The following STEAP2 variants were observed in gnomAD, a reference collection of about 807,000 sequenced individuals.
STEAP2 encodes metalloreductase STEAP2.
A neutral mutation model predicts 46.4 loss-of-function variants in STEAP2; 30 were observed. The ratio of observed to expected loss-of-function variants is 0.65; its 90% CI spans 0.48 to 0.88. STEAP2 has a LOEUF of 0.88. Ranked by LOEUF, STEAP2 falls within the 40% of genes least tolerant of loss-of-function variation. The pLI is 0.00. For synonymous variants in STEAP2, 180 were observed against 200.5 expected (o/e 0.90, Z 0.86); for missense variants, 513 against 579.3 (o/e 0.89, Z 1.18).
Position 90,232,690 on chromosome 7 carries a change from G to A in STEAP2, c.*66G>A, listed in dbSNP as rs952830718. Reference sequence around the variant, plus strand: ...ATGCCATTATTTTTATGACTTCTACGTTCAGTTACAAGTATGCTGTCAAAT... The same window carrying A: ...ATGCCATTATTTTTATGACTTCTACATTCAGTTACAAGTATGCTGTCAAAT... On this transcript the variant is annotated 3_prime_UTR_variant, in exon 6 of 6. Coordinates refer to ENST00000394621, the MANE Select transcript of STEAP2 (RefSeq NM_001244944.2). The A allele has an allele frequency of 1.3e-5, 19 of 1,484,196 alleles. No homozygotes were observed. The highest frequency in any genetic ancestry group is 1.6e-5 in the Non-Finnish European group (18 of 1,116,572). The allele number at this position is 1,484,196 out of a possible 1,614,324, so 91.9% of individuals were successfully genotyped here.
intron 2 of STEAP2, among the ~76,000 whole-genome samples, chr7:90,223,224 A>G (rs1181041248): frequency 6.6e-6 from 1 of 152,194 alleles, no homozygotes; most frequent in East Asian, 1.9e-4. Context: ...ATTTTATTCA[A>G]CAGCAGCTCT....
Position 90,227,438 on chromosome 7 carries a change from C to T in STEAP2, c.960C>T (p.Ser320=). ...TCGCTATGGTCCATGTTGCCTACAG[C>T]CTCTGCTTACCGATGAGAAGGTCAG... The part of the protein sequence containing the change: ...FFFAMVHVAY[S]LCLPMRRSER... Residue 320 remains serine, a synonymous_variant, in exon 4 of 6, where the codon AGC becomes AGT. Transcript: ENST00000394621. 6.2e-7 allele frequency: 1 copy of T among 1,605,662 alleles called. No homozygotes were observed. Among genetic ancestry groups the T allele is most frequent in the Non-Finnish European group, 8.5e-7 (1 of 1,173,054 alleles).
In STEAP2 at chr7:90,231,622, A is replaced by G. The variant is rs375395365; in HGVS notation, c.1186-715A>G. Among the ~76,000 whole-genome samples, 78 of 152,156 alleles carry G rather than the reference A, an allele frequency of 5.1e-4. 1 individual carries two copies. Among genetic ancestry groups the G allele is most frequent in the Middle Eastern group, 3.4e-3 (1 of 292 alleles). On this transcript the variant is annotated intron_variant, in intron 5 of 5. Coordinates refer to ENST00000394621, the MANE Select transcript of STEAP2 (RefSeq NM_001244944.2). ...TGTATCTAAACATATCTAAACAGAGAAAAGGTACAGTAAAAATAAGGCATA... is the reference window on the plus strand; with the variant it reads ...TGTATCTAAACATATCTAAACAGAGGAAAGGTACAGTAAAAATAAGGCATA...
intron 5 of STEAP2, among the ~76,000 whole-genome samples, chr7:90,230,542 T>TTA (rs996293685): frequency 6.6e-6 from 1 of 151,936 alleles, no homozygotes; most frequent in African/African-American, 2.4e-5. Context: ...GAGTAATGGA[T>TTA]TATAACATGC....
At position 90,212,026 on chromosome 7, in the gene STEAP2, AGGGCGCGGG is replaced by A. The variant is rs937456453; in HGVS notation, c.-157_-149del. On this transcript the variant is annotated 5_prime_UTR_variant, in exon 1 of 6. Coordinates refer to ENST00000394621, the MANE Select transcript of STEAP2 (RefSeq NM_001244944.2). ...CAAGGCTCGCCCCTGCCCGGCGTGG[AGGGCGCGGG>A]GGGCGCGGAGGTGAGCGGGTCGGGG... 6.6e-6 allele frequency: 1 copy of A among 152,638 alleles called. No individual in the cohort carries two copies. The highest frequency in any genetic ancestry group is 6.5e-5 in the Admixed American group (1 of 15,272). 9.5% of individuals were successfully genotyped at this position (152,638 alleles called of 1,614,324 possible). A position where few individuals can be genotyped will look rare whatever the true frequency, so the allele number is the denominator to read the frequency against.
chr7:90,243,183 A>G, the STEAP2 span, among the ~76,000 whole-genome samples: 24 of 152,214 alleles, frequency 1.6e-4, no homozygotes, highest in African/African-American at 5.8e-4. Flanking sequence ...GGCCAGAAAT[A>G]TTCAACGTCT....
rs1181643007 is a variant in STEAP2, at chr7:90,234,739, G to A, written c.*2115G>A. 2 of 498,938 alleles carry A rather than the reference G, an allele frequency of 4.0e-6. No homozygotes were observed. Among genetic ancestry groups the A allele is most frequent in the Non-Finnish European group, 5.2e-6 (2 of 386,136 alleles). The allele number at this position is 498,938 out of a possible 1,614,324, so 30.9% of individuals were successfully genotyped here. A position where few individuals can be genotyped will look rare whatever the true frequency, so the allele number is the denominator to read the frequency against. On this transcript the variant is annotated 3_prime_UTR_variant, in exon 6 of 6. Coordinates refer to ENST00000394621, the MANE Select transcript of STEAP2 (RefSeq NM_001244944.2). The stretch of plus-strand genomic sequence containing the variant: ...CTGATTTCTTTTTGTATTTTTAGTA[G>A]AGACGGAGTTTCACCGTGTTAGCCA...
chr7:90,238,102 C>T (rs1796012996), downstream of STEAP2: 8 of 717,250 alleles, frequency 1.1e-5, no homozygotes, highest in South Asian at 1.0e-4. Flanking sequence ...TGGCCAGTGG[C>T]CTAGCGCTAC....
At chr7:90,226,039 T>A (rs567415044) in intron 3 of STEAP2, among the ~76,000 whole-genome samples, 2 of 152,330 alleles carry the variant, frequency 1.3e-5, no homozygotes, top group South Asian at 4.1e-4. Context: ...CCATTTACTT[T>A]CCAGTCTTTA....
At position 90,236,170 on chromosome 7, in the gene STEAP2, TA is replaced by T. The variant is rs1196948609; in HGVS notation, c.*3549del. ...CACTTGCCATTAAGCTATTTCATAATAAATTCTGTACAGTTTCCCCCCAAAA... is the reference window on the plus strand; with the variant it reads ...CACTTGCCATTAAGCTATTTCATAATAATTCTGTACAGTTTCCCCCCAAAA... On this transcript the variant is annotated 3_prime_UTR_variant, in exon 6 of 6. Transcript: ENST00000394621. The T allele has an allele frequency of 1.4e-6, 1 of 717,052 alleles. No individual in the cohort carries two copies. Among genetic ancestry groups the T allele is most frequent in the Non-Finnish European group, 1.7e-6 (1 of 586,732 alleles). 44.4% of individuals were successfully genotyped at this position (717,052 alleles called of 1,614,324 possible). A position where few individuals can be genotyped will look rare whatever the true frequency, so the allele number is the denominator to read the frequency against.
At chr7:90,228,126 G>A (rs2116318567) in intron 4 of STEAP2, among the ~76,000 whole-genome samples, 1 of 152,204 alleles carries the variant, frequency 6.6e-6, no homozygotes, top group South Asian at 2.1e-4. Flanking sequence ...TTCATGGAAG[G>A]GGTTTGATTA....
At chr7:90,223,055 G>A (rs2116248717) in intron 2 of STEAP2, among the ~76,000 whole-genome samples, 1 of 152,280 alleles carries the variant, frequency 6.6e-6, no homozygotes, top group East Asian at 1.9e-4. Flanking sequence ...TCAGATGCTA[G>A]TCTCTCAACT....
At chr7:90,229,759 A>G (rs1257429096) in intron 4 of STEAP2, 113 bp from the exon 5 acceptor site, 2 of 1,462,506 alleles carry the variant, frequency 1.4e-6, no homozygotes, top group Non-Finnish European at 1.8e-6. Context: ...AAATTAGTAC[A>G]ACTTAAATAC....
chr7:90,226,947 T>C, intron 3 of STEAP2, 24 bp from the exon 4 acceptor site: 1 of 1,541,988 alleles, frequency 6.5e-7, no homozygotes, highest in South Asian at 1.3e-5. Flanking sequence ...ATGGTAATGC[T>C]GAGTCTTTTT....
At chr7:90,218,259 C>T (rs1160392678) in intron 2 of STEAP2, among the ~76,000 whole-genome samples, 1 of 151,958 alleles carries the variant, frequency 6.6e-6, no homozygotes, top group East Asian at 1.9e-4. Flanking sequence ...GCACGGAAGT[C>T]TTTTAGTTTA....
At chr7:90,221,135 T>C (rs1406769157) in intron 2 of STEAP2, among the ~76,000 whole-genome samples, 1 of 152,188 alleles carries the variant, frequency 6.6e-6, no homozygotes, top group Non-Finnish European at 1.5e-5. Flanking sequence ...GTTAGGTCCA[T>C]TTGGTCTAAC....
At position 90,235,170 on chromosome 7, in the gene STEAP2, ACT is replaced by A. The variant is rs1422868477; in HGVS notation, c.*2547_*2548del. The A allele has an allele frequency of 2.1e-5, 20 of 966,284 alleles. No homozygotes were observed. The African/African-American group carries it at 3.0e-4, about 14-fold the overall frequency. 59.9% of individuals were successfully genotyped at this position (966,284 alleles called of 1,614,324 possible). ...AGCCGATACTCTAAATAAAAATACC[ACT>A]GTTACAGATAAATGGGGCCTTTAAA... On this transcript the variant is annotated 3_prime_UTR_variant, in exon 6 of 6. Transcript: ENST00000394621.
Position 90,236,796 on chromosome 7 carries a change from C to A in STEAP2, c.*4172C>A, listed in dbSNP as rs2116412848. On this transcript the variant is annotated 3_prime_UTR_variant, in exon 6 of 6. Transcript: ENST00000394621. ...AGACTGTTTGGATTCTTCCAGTGGC[C>A]AGATGAGCTAAATTAAATCACAAAA... The A allele has an allele frequency of 6.5e-7, 1 of 1,546,996 alleles. No homozygotes were observed. Among genetic ancestry groups the A allele is most frequent in the South Asian group, 1.2e-5 (1 of 80,514 alleles).
Position 90,232,702 on chromosome 7 carries a change from G to C in STEAP2, c.*78G>C, listed in dbSNP as rs1226544105. The stretch of plus-strand genomic sequence containing the variant: ...TTATGACTTCTACGTTCAGTTACAA[G>C]TATGCTGTCAAATTATCGTGGGTTG... On this transcript the variant is annotated 3_prime_UTR_variant, in exon 6 of 6. Transcript: ENST00000394621. 3 of 1,441,600 alleles carry C rather than the reference G, an allele frequency of 2.1e-6. No homozygotes were observed. Among genetic ancestry groups the C allele is most frequent in the Non-Finnish European group, 2.7e-6 (3 of 1,094,474 alleles). The allele number at this position is 1,441,600 out of a possible 1,614,324, so 89.3% of individuals were successfully genotyped here. A position where few individuals can be genotyped will look rare whatever the true frequency, so the allele number is the denominator to read the frequency against.
Sources: gnomAD v4.1 joint callset for allele counts (sites outside exome capture counted in the v4.1 genomes callset) on GRCh38, gnomAD v4.1.1 for gene constraint, MANE v1.5 for transcripts, NCBI Gene and HGNC (gene_info 2026-07-23, HGNC 2026-07-21) for gene names.